Variants in RBM19 observed in about 807,000 individuals in gnomAD.
RBM19 encodes probable RNA-binding protein 19.
In RBM19, 94 loss-of-function variants were observed where a neutral mutation model predicts 116.8. That is an observed-to-expected ratio of 0.80 (90% confidence interval 0.68 to 0.95). The LOEUF (loss-of-function observed/expected upper bound fraction) is 0.95, where lower values mean the gene tolerates loss of function less well. Among genes scored for constraint, RBM19 ranks in the 40% least tolerant of loss-of-function variants. RBM19 has a pLI of 0.00. For missense variants in RBM19, 1,161 were observed against 1,220.7 expected (o/e 0.95, Z 0.73); for synonymous variants, 475 against 494.1 (o/e 0.96, Z 0.51).
rs776954272 is a variant in RBM19, at chr12:113,920,627, G to T, written c.2369C>A (p.Ala790Asp). 6 of 1,614,074 alleles carry T rather than the reference G, an allele frequency of 3.7e-6. No individual in the cohort carries two copies. The highest frequency in any genetic ancestry group is 5.1e-6 in the Non-Finnish European group (6 of 1,179,956). ...TCACTTTACCTGGAGCTGCTTGAGA[G>T]CTTTCTGGGCTTGCTCCGGCTTCCT... ...EYRKPEQAQK[A>D]LKQLQGHVVD... is the part of the protein sequence containing the mutation. The change falls in exon 19 of 24, where the codon GCT becomes GAT. Residue 790 changes from alanine (A) to aspartate (D), a missense_variant. Ala to Asp is a moderately radical substitution (Grantham distance 126, BLOSUM62 -2). Transcript: ENST00000261741.
chr12:113,817,648 C>T (rs539187911), downstream of RBM19: 1 of 152,098 alleles, frequency 6.6e-6, no homozygotes, highest in South Asian at 2.1e-4. Context: ...CCCAGGATCA[C>T]CCCATGTTCG....
intron 16 of RBM19, chr12:113,932,826 C>CG (rs1869723596): frequency 7.7e-6 from 1 of 130,218 alleles, no homozygotes; most frequent in African/African-American, 3.0e-5. Context: ...GGCCTGGGGG[C>CG]GGGGGAGTTG....
chr12:113,857,686 G>A (rs1041295074), intron 22 of RBM19, among the ~76,000 whole-genome samples: 21 of 152,228 alleles, frequency 1.4e-4, no homozygotes, highest in Admixed American at 3.9e-4. Context: ...CTCAAGACTC[G>A]GAGACAAAGG....
At chr12:113,927,344 G>A in intron 16 of RBM19, 115 bp from the exon 17 acceptor site, 1 of 1,299,206 alleles carries the variant, frequency 7.7e-7, no homozygotes, top group South Asian at 1.6e-5. Flanking sequence ...AAGGGGTTCT[G>A]CCTCTGCGGG....
At chr12:113,857,124 C>T (rs1038658546) in intron 22 of RBM19, among the ~76,000 whole-genome samples, 4 of 152,232 alleles carry the variant, frequency 2.6e-5, no homozygotes, top group African/African-American at 4.8e-5. Context: ...GATGACAACA[C>T]TTCTACACCA....
At chr12:113,880,515 T>G (rs190492441) in intron 21 of RBM19, among the ~76,000 whole-genome samples, 4 of 152,312 alleles carry the variant, frequency 2.6e-5, no homozygotes, top group Admixed American at 2.6e-4. Context: ...AGGGTCATAT[T>G]TCAAGTGGCT....
chr12:113,858,759 T>C (rs1878125877), intron 22 of RBM19, 32 bp downstream of exon 22: 2 of 1,602,068 alleles, frequency 1.2e-6, no homozygotes, highest in Non-Finnish European at 1.7e-6. Context: ...AGGGGAGGCC[T>C]GGACAGGTGG....
chr12:113,959,883 C>A lies in RBM19; in HGVS notation c.360G>T (p.Val120=). Residue 120 remains valine, a synonymous_variant, in exon 4 of 24, where the codon GTG becomes GTT. Transcript: ENST00000261741. The stretch of plus-strand genomic sequence containing the variant: ...GACTCACCTTCTCCAGTTGACCTGC[C>A]ACCTTTTTCTTCTTCTCATCCTGAA... ...EIKKDEKKKK[V]AGQLEKLKED... 10 of 1,614,176 alleles carry A rather than the reference C, an allele frequency of 6.2e-6. No homozygotes were observed. The highest frequency in any genetic ancestry group is 8.5e-6 in the Non-Finnish European group (10 of 1,180,032).
At chr12:113,849,993 G>A (rs911812743) in intron 22 of RBM19, among the ~76,000 whole-genome samples, 5 of 152,184 alleles carry the variant, frequency 3.3e-5, no homozygotes, top group Admixed American at 6.5e-5. Context: ...CCCCCTCCCT[G>A]CAGGGCTATA....
chr12:113,841,693 G>T (rs757191959), intron 23 of RBM19, among the ~76,000 whole-genome samples: 35 of 152,270 alleles, frequency 2.3e-4, no homozygotes, highest in Non-Finnish European at 4.6e-4. Context: ...ACAAAGTGCT[G>T]GGATTACAGG....
chr12:113,829,822 A>G (rs919546567), intron 23 of RBM19, among the ~76,000 whole-genome samples: 1 of 152,202 alleles, frequency 6.6e-6, no homozygotes, highest in Non-Finnish European at 1.5e-5. Context: ...GAAAGCTAAC[A>G]ATCAAAGGGT....
At position 113,960,158 on chromosome 12, in the gene RBM19, G is replaced by A. The variant is rs535891848; in HGVS notation, c.240C>T (p.Phe80=). ...SRITVEFCKS[F]GDPAKPRAWS... is the part of the protein sequence containing the mutation. ...AGGCTCTGGGTTTGGCCGGGTCCCC[G>A]AATGACTTGCAGAACTCCACCTGTG... Residue 80 remains phenylalanine (F), a synonymous_variant, in exon 3 of 24, where the codon TTC becomes TTT. Coordinates refer to ENST00000261741, the MANE Select transcript of RBM19 (RefSeq NM_016196.4). 11 of 1,613,782 alleles carry A rather than the reference G, an allele frequency of 6.8e-6. No homozygotes were observed. Among genetic ancestry groups the A allele is most frequent in the South Asian group, 6.6e-5 (6 of 91,054 alleles).
At chr12:113,875,803 G>C (rs1374194528) in intron 21 of RBM19, among the ~76,000 whole-genome samples, 1 of 152,188 alleles carries the variant, frequency 6.6e-6, no homozygotes, top group Non-Finnish European at 1.5e-5. Flanking sequence ...GTCAATGATC[G>C]TGTCTCTGGC....
intron 22 of RBM19, among the ~76,000 whole-genome samples, chr12:113,854,181 C>T (rs1017837392): frequency 6.6e-6 from 1 of 152,022 alleles, no homozygotes. Flanking sequence ...TGTCAAATGG[C>T]CTCCTACCAC....
intron 16 of RBM19, among the ~76,000 whole-genome samples, chr12:113,928,968 G>A (rs186788001): frequency 2.6e-5 from 4 of 152,198 alleles, no homozygotes; most frequent in African/African-American, 7.2e-5. Flanking sequence ...CTCAGGCTGT[G>A]CCTTCACACC....
At chr12:113,943,773 A>C (rs1243854461) in intron 13 of RBM19, among the ~76,000 whole-genome samples, 1 of 152,198 alleles carries the variant, frequency 6.6e-6, no homozygotes, top group Non-Finnish European at 1.5e-5. Flanking sequence ...TGGTTAGCCG[A>C]GATCACAGCA....
chr12:113,932,956 T>C (rs1869738444), intron 16 of RBM19, among the ~76,000 whole-genome samples: 2 of 152,030 alleles, frequency 1.3e-5, no homozygotes, highest in African/African-American at 4.8e-5. Flanking sequence ...GGCTTTATTA[T>C]AATCAGGCCA....
intron 21 of RBM19, among the ~76,000 whole-genome samples, chr12:113,874,554 G>A (rs887322056): frequency 6.6e-6 from 1 of 152,246 alleles, no homozygotes; most frequent in Admixed American, 6.5e-5. Flanking sequence ...CTGTCTGACT[G>A]TGGATTTTGC....
At chr12:113,828,413 C>A (rs1875068299) in intron 23 of RBM19, among the ~76,000 whole-genome samples, 1 of 152,062 alleles carries the variant, frequency 6.6e-6, no homozygotes, top group Non-Finnish European at 1.5e-5. Context: ...CCTGGAGGCT[C>A]CTGAGTTGCT....
Sources: allele counts gnomAD v4.1 joint callset (sites outside exome capture counted in the v4.1 genomes callset), GRCh38; gene constraint gnomAD v4.1.1; transcripts MANE v1.5; gene names NCBI Gene and HGNC (gene_info 2026-07-23, HGNC 2026-07-21).